PRR14L: variants seen among roughly 807,000 people sequenced by gnomAD.
PRR14L encodes the protein protein PRR14L.
PRR14L carries 80 observed loss-of-function variants against 155.0 expected under a neutral mutation model. That is an observed-to-expected ratio of 0.52 (90% CI 0.43 to 0.62). The LOEUF (loss-of-function observed/expected upper bound fraction) is 0.62. PRR14L is among the 20% of genes least tolerant of loss of function. The pLI is 0.00. For missense variants in PRR14L, 2,469 were observed against 2,548.0 expected, an observed-to-expected ratio of 0.97 and a Z score of 0.67; for synonymous variants, 883 against 916.0, an observed-to-expected ratio of 0.96 and a Z score of 0.65.
At chr22:31,696,561 C>T (rs539727535) in intron 7 of PRR14L, among the ~76,000 whole-genome samples, 44 of 152,292 alleles carry the variant, frequency 2.9e-4, no homozygotes, top group Middle Eastern at 3.4e-3. Flanking sequence ...GTGTGAACTA[C>T]CATACCCAGC....
intron 1 of PRR14L, among the ~76,000 whole-genome samples, chr22:31,745,895 G>C (rs1427342354): frequency 6.7e-6 from 1 of 148,852 alleles, no homozygotes; most frequent in Non-Finnish European, 1.5e-5. Context: ...GTATCACAGT[G>C]TTACCTTGGA....
intron 1 of PRR14L, among the ~76,000 whole-genome samples, chr22:31,740,419 C>T (rs1458480305): frequency 2.6e-5 from 4 of 152,126 alleles, no homozygotes; most frequent in African/African-American, 4.8e-5. Context: ...AAAGTTTCAC[C>T]ACGTTGGCCA....
rs548823695 is a variant in PRR14L, at chr22:31,718,244, T to TGG, written c.548-955_548-954dup. Among the ~76,000 whole-genome samples the TGG allele has an allele frequency of 8.2e-5, 12 of 146,874 alleles. No individual in the cohort carries two copies. The East Asian group carries it at 1.8e-3, about 22-fold the overall frequency. The stretch of plus-strand genomic sequence containing the variant: ...CGCCCGGCCCGCCCAGCTAATTTTT[T>TGG]GGGGGGGTTTTTGTTTTTGTTTTTG... On this transcript the variant is annotated intron_variant, in intron 3 of 8. Coordinates refer to ENST00000327423, the MANE Select transcript of PRR14L (RefSeq NM_173566.3).
chr22:31,709,532 G>GT (rs1569498218), intron 4 of PRR14L, among the ~76,000 whole-genome samples: 8 of 142,316 alleles, frequency 5.6e-5, no homozygotes, highest in Middle Eastern at 3.6e-3. Flanking sequence ...ACGCCTGTGG[G>GT]GTTTTTTTTT....
At chr22:31,719,793 G>T (rs1465817943) in intron 3 of PRR14L, among the ~76,000 whole-genome samples, 1 of 151,526 alleles carries the variant, frequency 6.6e-6, no homozygotes, top group Non-Finnish European at 1.5e-5. Flanking sequence ...CTGGAGTGCA[G>T]TGGTGCCATC....
At chr22:31,709,216 T>TACA (rs1161139065) in intron 4 of PRR14L, among the ~76,000 whole-genome samples, 1 of 151,792 alleles carries the variant, frequency 6.6e-6, no homozygotes, top group African/African-American at 2.4e-5. Context: ...GTGCTGGGAT[T>TACA]ACAAGCATGC....
Position 31,716,622 on chromosome 22 carries a change from C to T in PRR14L, c.1217G>A (p.Arg406Lys). 6.4e-7 allele frequency: 1 copy of T among 1,551,880 alleles called. No homozygotes were observed. Among genetic ancestry groups the T allele is most frequent in the Non-Finnish European group, 8.7e-7 (1 of 1,147,028 alleles). The change falls in exon 4 of 9, where the codon AGG (arginine) becomes AAG (lysine). Residue 406 changes from arginine (R) to lysine (K), a missense_variant. Coordinates refer to ENST00000327423, the MANE Select transcript of PRR14L (RefSeq NM_173566.3). ...AAGAAAAGGTCCACCTCTTTCACTC[C>T]TAGGAATCAAAAGCCGTTCCTCATT... is the stretch of plus-strand genomic sequence containing the variant. ...EENEERLLIP[R>K]SERGGPFLFN... is the part of the protein sequence containing the mutation.
chr22:31,748,885 T>C (rs771131078), intron 1 of PRR14L, among the ~76,000 whole-genome samples: 11 of 152,144 alleles, frequency 7.2e-5, no homozygotes, highest in Admixed American at 1.3e-4. Context: ...TGGGAAAGTA[T>C]TGAACAGCAG....
At chr22:31,749,882 A>C (rs2074863151) in intron 1 of PRR14L, 111 bp downstream of exon 1, 1 of 152,248 alleles carries the variant, frequency 6.6e-6, no homozygotes, top group African/African-American at 2.4e-5. Flanking sequence ...GCGCCCCGAG[A>C]GGGCGGGGGG....
At chr22:31,718,912 G>T (rs983897096) in intron 3 of PRR14L, among the ~76,000 whole-genome samples, 1 of 151,508 alleles carries the variant, frequency 6.6e-6, no homozygotes, top group Non-Finnish European at 1.5e-5. Flanking sequence ...CATCTCTACC[G>T]AAAATACAAA....
rs2074574181 is a variant in PRR14L at position 31,703,619 on chromosome 22, T to A, written c.5931A>T (p.Gly1977=). ...LLSASEFQVR[G]LDELDGVKAA... is the part of the protein sequence containing the mutation. ...CTTTCACACCATCCAGCTCATCCAA[T>A]CCACGAACCTGGAACTCAGAGGCTG... Residue 1977 remains glycine (G), a synonymous_variant, in exon 6 of 9, where the codon GGA becomes GGT. Transcript: ENST00000327423. 6.2e-7 allele frequency: 1 copy of A among 1,613,876 alleles called. No homozygotes were observed. Among genetic ancestry groups the A allele is most frequent in the Non-Finnish European group, 8.5e-7 (1 of 1,179,876 alleles).
intron 1 of PRR14L, among the ~76,000 whole-genome samples, chr22:31,744,656 C>A (rs1416605911): frequency 1.3e-5 from 2 of 152,132 alleles, no homozygotes. Context: ...CAGCCATAAC[C>A]ATATCTGACT....
At chr22:31,687,990 C>A (rs2074491002) in intron 8 of PRR14L, among the ~76,000 whole-genome samples, 166 bp downstream of exon 8, 1 of 150,412 alleles carries the variant, frequency 6.6e-6, no homozygotes, top group Admixed American at 6.6e-5. Flanking sequence ...CGAGATTGCG[C>A]CATTGCACTC....
chr22:31,714,364 C>T lies in PRR14L; in HGVS notation c.3475G>A (p.Val1159Ile). Residue 1159 changes from valine to isoleucine, a missense_variant, in exon 4 of 9, where the codon GTT (valine) becomes ATT (isoleucine). This residue lies in a region of PRR14L where 2,363 missense variants were observed against 2,371.6 expected (regional missense o/e 1.00). Coordinates refer to ENST00000327423, the MANE Select transcript of PRR14L (RefSeq NM_173566.3). The stretch of plus-strand genomic sequence containing the variant: ...CTTTTATTTGGTTCATGATCTGCAA[C>T]AGACTCCATCTCATGGGCACAAGAG... Reference protein sequence around the residue: ...PDSCAHEMESVADHEPNKRIL... With the variant: ...PDSCAHEMESIADHEPNKRIL... The T allele has an allele frequency of 1.3e-6, 2 of 1,551,686 alleles. No homozygotes were observed. The highest frequency in any genetic ancestry group is 1.7e-6 in the Non-Finnish European group (2 of 1,146,990).
chr22:31,712,912 C>A lies in PRR14L; in HGVS notation c.4927G>T (p.Glu1643Ter). 6.4e-7 allele frequency: 1 copy of A among 1,551,854 alleles called. No homozygotes were observed. Among genetic ancestry groups the A allele is most frequent in the South Asian group, 1.2e-5 (1 of 84,058 alleles). Residue 1643 changes from glutamate (E) to a stop codon, truncating the protein, a stop_gained, in exon 4 of 9, where the codon GAA (glutamate) becomes TAA (stop). Coordinates refer to ENST00000327423, the MANE Select transcript of PRR14L (RefSeq NM_173566.3). LOFTEE classifies it high-confidence loss of function. ...QKLRYRRCSS[E>*]LLPMAKSYKR... is the part of the protein sequence containing the mutation. The stretch of plus-strand genomic sequence containing the variant: ...TAGCTTTTAGCCATTGGAAGAAGTT[C>A]AGAGGAACACCGTCGGTATCTTAGC...
At position 31,689,412 on chromosome 22, in the gene PRR14L, A is replaced by G. The variant is rs572271137; in HGVS notation, c.6108-1185T>C. On this transcript the variant is annotated intron_variant, in intron 7 of 8. Transcript: ENST00000327423. ...AGCTTTGCTACCTTCTGGTATGACAAGATACATTCATCTTATTCATTTCCT... is the reference window on the plus strand; with the variant it reads ...AGCTTTGCTACCTTCTGGTATGACAGGATACATTCATCTTATTCATTTCCT... Among the ~76,000 whole-genome samples, 345 of 152,334 alleles carry G rather than the reference A, an allele frequency of 2.3e-3. 4 individuals carry two copies. The Middle Eastern group carries it at 0.037, about 17-fold the overall frequency.
chr22:31,691,438 A>G (rs2074511148), intron 7 of PRR14L, among the ~76,000 whole-genome samples: 1 of 152,026 alleles, frequency 6.6e-6, no homozygotes, highest in Admixed American at 6.6e-5. Flanking sequence ...CCAGGCTGGT[A>G]TCAGACTCCT....
intron 2 of PRR14L, among the ~76,000 whole-genome samples, chr22:31,737,811 G>A (rs149384347): frequency 0.012 from 1,850 of 151,656 alleles, 44 homozygotes; most frequent in African/African-American, 0.041. Context: ...TCAGGAGTTC[G>A]AGACCAGCCT....
Position 31,715,620 on chromosome 22 carries a change from A to G in PRR14L, c.2219T>C (p.Leu740Pro), listed in dbSNP as rs140080. 9.2e-4 allele frequency: 1,425 copies of G among 1,552,010 alleles called. 8 individuals carry two copies. In the African/African-American group the frequency reaches 0.017, roughly 19 times the overall value. The change falls in exon 4 of 9, where the codon CTA becomes CCA. Residue 740 changes from leucine (L) to proline (P), a missense_variant. Physicochemically the swap from Leu to Pro is moderately conservative, Grantham distance 98. Coordinates refer to ENST00000327423, the MANE Select transcript of PRR14L (RefSeq NM_173566.3). ...CPTLNIKPVS[L>P]ERKKEMADSG... Reference sequence around the variant, plus strand: ...ATCAGCCATTTCCTTTTTTCTCTCTAGGCTTACTGGTTTGATGTTTAAGGT... The same window carrying G: ...ATCAGCCATTTCCTTTTTTCTCTCTGGGCTTACTGGTTTGATGTTTAAGGT...
Sources: gnomAD v4.1 joint callset for allele counts (sites outside exome capture counted in the v4.1 genomes callset) on GRCh38, gnomAD v4.1.1 for gene constraint, gnomAD v4.1.1 regional missense constraint, MANE v1.5 for transcripts, NCBI Gene and HGNC (gene_info 2026-07-23, HGNC 2026-07-21) for gene names.